Variants in CDK17 observed in about 807,000 individuals in gnomAD.
CDK17 encodes cyclin dependent kinase 17, also known as cyclin-dependent kinase 17.
In CDK17, 24 loss-of-function variants were observed where a neutral mutation model predicts 77.6. The observed-to-expected ratio is 0.31, with a 90% CI of 0.22 to 0.44. The LOEUF (loss-of-function observed/expected upper bound fraction) is 0.44, where lower values mean the gene tolerates loss of function less well. CDK17 is among the 20% of genes least tolerant of loss of function. CDK17 has a pLI of 1.00. For synonymous variants in CDK17, 203 were observed against 210.4 expected (o/e 0.96, Z 0.30); for missense variants, 429 against 622.5 (o/e 0.69, Z 3.31).
At chr12:96,308,540 C>A (rs1415001442) in intron 5 of CDK17, among the ~76,000 whole-genome samples, 1 of 151,710 alleles carries the variant, frequency 6.6e-6, no homozygotes, top group African/African-American at 2.4e-5. Flanking sequence ...ACCAGCCTGG[C>A]CAACATGGTG....
At chr12:96,396,566 T>C (rs1471826381) in intron 1 of CDK17, among the ~76,000 whole-genome samples, 2 of 152,218 alleles carry the variant, frequency 1.3e-5, no homozygotes, top group Non-Finnish European at 2.9e-5. Flanking sequence ...TATCACTTTA[T>C]GAAATATACT....
rs566779493 is a variant in CDK17, at chr12:96,398,113, A to G, written c.-30+1873T>C. ...ACCTATATTTGCATAGTAATTTTAC[A>G]TAAGCTTAAATTCAAAGACTCCCGT... On this transcript the variant is annotated intron_variant, in intron 1 of 16. Coordinates refer to ENST00000261211, the MANE Select transcript of CDK17 (RefSeq NM_002595.5). Among the ~76,000 whole-genome samples the G allele has an allele frequency of 1.5e-4, 22 of 147,552 alleles. 1 individual carries two copies. The East Asian group carries it at 2.6e-3, about 18-fold the overall frequency.
At chr12:96,300,240 G>A (rs1952478332) in intron 6 of CDK17, 64 bp downstream of exon 6, 4 of 1,067,980 alleles carry the variant, frequency 3.7e-6, no homozygotes, top group Admixed American at 1.9e-5. Context: ...AAACCGTGGA[G>A]TAACAGAGTT....
At chr12:96,315,492 G>C (rs1266003768) in intron 3 of CDK17, among the ~76,000 whole-genome samples, 1 of 152,130 alleles carries the variant, frequency 6.6e-6, no homozygotes. Flanking sequence ...ATGTATTGGT[G>C]ATTGATTCCT....
intron 1 of CDK17, among the ~76,000 whole-genome samples, chr12:96,344,015 TCAAA>T (rs1037863179): frequency 2.0e-4 from 30 of 152,160 alleles, no homozygotes; most frequent in African/African-American, 5.3e-4. Flanking sequence ...TAAAATGGAA[TCAAA>T]CAAAAATTCC....
At chr12:96,320,358 A>G (rs1477023010) in intron 3 of CDK17, among the ~76,000 whole-genome samples, 1 of 147,296 alleles carries the variant, frequency 6.8e-6, no homozygotes, top group Non-Finnish European at 1.5e-5. Context: ...GGAAGAATCA[A>G]TATCGTGAAA....
chr12:96,332,444 A>T (rs1295713816), intron 2 of CDK17, among the ~76,000 whole-genome samples: 2 of 152,222 alleles, frequency 1.3e-5, no homozygotes, highest in Non-Finnish European at 2.9e-5. Context: ...TCATTATGCT[A>T]TATTCTCTGT....
At chr12:96,361,717 C>T (rs1953495208) in intron 1 of CDK17, among the ~76,000 whole-genome samples, 1 of 152,140 alleles carries the variant, frequency 6.6e-6, no homozygotes, top group East Asian at 1.9e-4. Context: ...AGGCAATATA[C>T]AAATCTTACA....
chr12:96,354,187 G>C (rs1385075040), intron 1 of CDK17, among the ~76,000 whole-genome samples: 1 of 152,166 alleles, frequency 6.6e-6, no homozygotes, highest in African/African-American at 2.4e-5. Context: ...AAAAAGTGAA[G>C]TGATCTGGCC....
intron 4 of CDK17, among the ~76,000 whole-genome samples, chr12:96,311,902 T>C (rs1952649927): frequency 6.6e-6 from 1 of 152,126 alleles, no homozygotes; most frequent in African/African-American, 2.4e-5. Flanking sequence ...AGCTTATTCT[T>C]AGAACAAAAT....
intron 1 of CDK17, among the ~76,000 whole-genome samples, chr12:96,357,769 C>T (rs986049145): frequency 2.0e-5 from 3 of 152,074 alleles, no homozygotes; most frequent in African/African-American, 4.8e-5. Context: ...TAATATTAGG[C>T]CAGTAAATTC....
At chr12:96,309,368 C>T (rs781384089) in intron 5 of CDK17, among the ~76,000 whole-genome samples, 19 of 152,214 alleles carry the variant, frequency 1.2e-4, no homozygotes, top group Non-Finnish European at 2.6e-4. Flanking sequence ...TTTGCCAAGG[C>T]ATTTTACTTG....
chr12:96,292,015 A>AAG (rs763056884), intron 10 of CDK17, among the ~76,000 whole-genome samples: 2 of 152,136 alleles, frequency 1.3e-5, no homozygotes, highest in Non-Finnish European at 2.9e-5. Context: ...AGAAAGAAAA[A>AAG]AGAGAGAGAG....
chr12:96,306,607 T>C (rs1183158230), intron 5 of CDK17, among the ~76,000 whole-genome samples: 1 of 152,106 alleles, frequency 6.6e-6, no homozygotes, highest in Non-Finnish European at 1.5e-5. Flanking sequence ...TTTCTATCCA[T>C]CCCTAATCTT....
chr12:96,295,097 C>A lies in CDK17; in HGVS notation c.899G>T (p.Gly300Val). The change falls in exon 10 of 17, where the codon GGT (glycine) becomes GTT (valine). Residue 300 changes from glycine (G) to valine (V), a missense_variant. By Grantham distance (109) the Gly-to-Val change is moderately radical. Coordinates refer to ENST00000261211, the MANE Select transcript of CDK17 (RefSeq NM_002595.5). The part of the protein sequence containing the change: ...VKLFLYQILR[G>V]LAYCHRRKVL... ...CTTTCTTCTATGGCAATATGCCAAA[C>A]CACGTAGAATTTGGTACAGAAACAG... The A allele has an allele frequency of 6.2e-7, 1 of 1,608,038 alleles. No homozygotes were observed. Among genetic ancestry groups the A allele is most frequent in the Non-Finnish European group, 8.5e-7 (1 of 1,177,390 alleles).
chr12:96,375,631 G>A lies in CDK17; in HGVS notation c.-30+24355C>T, dbSNP rs1397350580. Reference sequence around the variant, plus strand: ...CTGGGCTCAGCTCACTGCAACCTCCGCATCCTGGGTTCAAGTGATTCTCCT... The same window carrying A: ...CTGGGCTCAGCTCACTGCAACCTCCACATCCTGGGTTCAAGTGATTCTCCT... On this transcript the variant is annotated intron_variant, in intron 1 of 16. Coordinates refer to ENST00000261211, the MANE Select transcript of CDK17 (RefSeq NM_002595.5). Among the ~76,000 whole-genome samples, 6 of 146,680 alleles carry A rather than the reference G, an allele frequency of 4.1e-5. No individual in the cohort carries two copies. The East Asian group carries it at 6.4e-4, about 16-fold the overall frequency.
intron 1 of CDK17, among the ~76,000 whole-genome samples, chr12:96,386,260 T>C (rs1055433751): frequency 6.6e-6 from 1 of 152,196 alleles, no homozygotes; most frequent in Admixed American, 6.5e-5. Flanking sequence ...CCTCCCAAAG[T>C]GCTGGGATTA....
At chr12:96,322,180 T>G (rs1173599456) in intron 3 of CDK17, among the ~76,000 whole-genome samples, 2 of 152,158 alleles carry the variant, frequency 1.3e-5, no homozygotes, top group African/African-American at 4.8e-5. Context: ...TGATGGCTTG[T>G]CAGAACTTTA....
intron 1 of CDK17, among the ~76,000 whole-genome samples, chr12:96,380,615 A>T (rs934117293): frequency 2.6e-5 from 4 of 152,170 alleles, no homozygotes; most frequent in African/African-American, 9.6e-5. Flanking sequence ...AATATTGTAA[A>T]GCAACCCTTT....
Sources: allele counts gnomAD v4.1 joint callset (sites outside exome capture counted in the v4.1 genomes callset), GRCh38; gene constraint gnomAD v4.1.1; transcripts MANE v1.5; gene names NCBI Gene and HGNC (gene_info 2026-07-23, HGNC 2026-07-21).